Variants in MYO1D observed in about 807,000 individuals in gnomAD.
MYO1D encodes myosin ID.
MYO1D carries 83 observed loss-of-function variants against 122.0 expected under a neutral mutation model. The observed-to-expected ratio is 0.68, with a 90% CI of 0.57 to 0.82. The LOEUF (loss-of-function observed/expected upper bound fraction) is 0.82. MYO1D is among the 40% of genes least tolerant of loss of function. The probability of loss-of-function intolerance (pLI) is 0.00; values close to 1 mark genes in which losing one functional copy is unlikely to be tolerated. For missense variants in MYO1D, 1,157 were observed against 1,269.5 expected (o/e 0.91, Z 1.35); for synonymous variants, 464 against 446.9 (o/e 1.04, Z -0.48).
At chr17:32,658,503 A>C (rs1356389454) in intron 17 of MYO1D, 2 of 152,374 alleles carry the variant, frequency 1.3e-5, no homozygotes, top group Non-Finnish European at 2.9e-5. Context: ...CAGGTTATAA[A>C]AAAATAAAGA....
intron 1 of MYO1D, among the ~76,000 whole-genome samples, chr17:32,812,433 G>GTC (rs2090580342): frequency 6.6e-6 from 1 of 152,230 alleles, no homozygotes; most frequent in African/African-American, 2.4e-5. Flanking sequence ...GACAAGAGAG[G>GTC]TCTAGTAACT....
chr17:32,554,196 TGC>T (rs1259114100), intron 21 of MYO1D, among the ~76,000 whole-genome samples: 2 of 151,298 alleles, frequency 1.3e-5, no homozygotes, highest in Non-Finnish European at 1.5e-5. Flanking sequence ...TCCCTGCCCC[TGC>T]CCCTGCCCCT....
chr17:32,517,560 A>G (rs777487428), intron 21 of MYO1D, among the ~76,000 whole-genome samples: 2 of 152,122 alleles, frequency 1.3e-5, no homozygotes, highest in Non-Finnish European at 1.5e-5. Context: ...CTCTGCTTCA[A>G]TTGGTCTGCC....
At chr17:32,508,046 G>A (rs1350121362) in intron 21 of MYO1D, among the ~76,000 whole-genome samples, 3 of 151,990 alleles carry the variant, frequency 2.0e-5, no homozygotes, top group Non-Finnish European at 4.4e-5. Flanking sequence ...ACAGGCATGT[G>A]CCACCATGCC....
chr17:32,722,798 C>T (rs1392400608), intron 14 of MYO1D, among the ~76,000 whole-genome samples: 3 of 152,092 alleles, frequency 2.0e-5, no homozygotes, highest in Non-Finnish European at 2.9e-5. Flanking sequence ...TCTGGCATAG[C>T]GCTTCAAAAA....
intron 1 of MYO1D, among the ~76,000 whole-genome samples, chr17:32,874,640 C>T (rs1426771714): frequency 1.3e-5 from 2 of 152,170 alleles, no homozygotes; most frequent in East Asian, 3.9e-4. Flanking sequence ...TTGCAGCATT[C>T]GGCCGGGCAT....
chr17:32,754,670 T>C (rs1020505394), intron 11 of MYO1D, among the ~76,000 whole-genome samples: 6 of 152,216 alleles, frequency 3.9e-5, no homozygotes, highest in Admixed American at 1.3e-4. Context: ...GCAGAAATGT[T>C]TGCCCCCTTT....
intron 11 of MYO1D, among the ~76,000 whole-genome samples, chr17:32,755,209 A>T (rs922316014): frequency 6.6e-6 from 1 of 152,240 alleles, no homozygotes; most frequent in Non-Finnish European, 1.5e-5. Context: ...TACAAATGAC[A>T]TCATGCTTTC....
At chr17:32,631,766 G>A (rs2088010370) in intron 20 of MYO1D, among the ~76,000 whole-genome samples, 1 of 152,172 alleles carries the variant, frequency 6.6e-6, no homozygotes, top group Admixed American at 6.5e-5. Flanking sequence ...TTATGAAGGA[G>A]AATGTCCTTA....
chr17:32,817,194 G>GTTAA (rs1449088993), intron 1 of MYO1D, among the ~76,000 whole-genome samples: 1 of 152,188 alleles, frequency 6.6e-6, no homozygotes, highest in Non-Finnish European at 1.5e-5. Context: ...CTCTCAAAGT[G>GTTAA]TTAGGATTAT....
intron 20 of MYO1D, among the ~76,000 whole-genome samples, chr17:32,612,832 G>C (rs553747260): frequency 6.6e-6 from 1 of 151,532 alleles, no homozygotes; most frequent in South Asian, 2.1e-4. Flanking sequence ...GCAGTGGCAC[G>C]ATCTCGGCTC....
chr17:32,730,405 T>C (rs2089623791), intron 14 of MYO1D, among the ~76,000 whole-genome samples: 1 of 152,234 alleles, frequency 6.6e-6, no homozygotes, highest in Admixed American at 6.5e-5. Context: ...TGCATCTACG[T>C]ATTTACCAAT....
chr17:32,832,201 G>C (rs904922010), intron 1 of MYO1D, among the ~76,000 whole-genome samples: 1 of 151,646 alleles, frequency 6.6e-6, no homozygotes, highest in African/African-American at 2.4e-5. Flanking sequence ...AGCCTCCCTG[G>C]GCTCAGGTAA....
chr17:32,698,867 T>C lies in MYO1D; in HGVS notation c.2121+13121A>G, dbSNP rs569160010. Among the ~76,000 whole-genome samples, 48 of 152,292 alleles carry C rather than the reference T, an allele frequency of 3.2e-4. 1 individual carries two copies. Among genetic ancestry groups the C allele is most frequent in the Middle Eastern group, 6.8e-3 (2 of 294 alleles). On this transcript the variant is annotated intron_variant, in intron 16 of 21. Coordinates refer to ENST00000318217, the MANE Select transcript of MYO1D (RefSeq NM_015194.3). ...AATAATAAAAAATGCAAAATGCAAA[T>C]TTAACAAATAAATATAAGAACATAT...
At chr17:32,834,265 T>G (rs1368596696) in intron 1 of MYO1D, among the ~76,000 whole-genome samples, 1 of 152,162 alleles carries the variant, frequency 6.6e-6, no homozygotes, top group Non-Finnish European at 1.5e-5. Flanking sequence ...GATAACAAAT[T>G]GCTCATTCAT....
chr17:32,689,644 T>C (rs1396020975), intron 16 of MYO1D, among the ~76,000 whole-genome samples: 1 of 152,204 alleles, frequency 6.6e-6, no homozygotes, highest in Non-Finnish European at 1.5e-5. Flanking sequence ...TTGTAACATA[T>C]ATTTTCACTT....
chr17:32,695,190 T>C (rs1046596093), intron 16 of MYO1D, among the ~76,000 whole-genome samples: 1 of 152,238 alleles, frequency 6.6e-6, no homozygotes, highest in African/African-American at 2.4e-5. Flanking sequence ...GAAACTGTTC[T>C]ACCTCAGATC....
intron 1 of MYO1D, among the ~76,000 whole-genome samples, chr17:32,808,066 T>C (rs1259941863): frequency 6.6e-6 from 1 of 152,154 alleles, no homozygotes. Flanking sequence ...CAAACAAGCA[T>C]TTCTGTGGGG....
chr17:32,638,930 A>G, intron 19 of MYO1D, 95 bp from the exon 20 acceptor site: 1 of 782,204 alleles, frequency 1.3e-6, no homozygotes, highest in South Asian at 1.5e-5. Context: ...GATGTGAACC[A>G]TGTATGGCCA....
Sources: allele counts gnomAD v4.1 joint callset (sites outside exome capture counted in the v4.1 genomes callset), GRCh38; gene constraint gnomAD v4.1.1; transcripts MANE v1.5; gene names NCBI Gene and HGNC (gene_info 2026-07-23, HGNC 2026-07-21).